ARAP1: variants seen among roughly 807,000 people sequenced by gnomAD.
ARAP1 encodes arf-GAP with Rho-GAP domain, ANK repeat and PH domain-containing protein 1.
Under a neutral mutation model 172.2 loss-of-function variants are expected in ARAP1, and 76 were observed. The observed-to-expected ratio is 0.44, with a 90% CI of 0.37 to 0.53. ARAP1 has a LOEUF of 0.53. Among genes scored for constraint, ARAP1 ranks in the 20% least tolerant of loss-of-function variants. The probability of loss-of-function intolerance (pLI) is 0.00; values close to 1 mark genes in which losing one functional copy is unlikely to be tolerated. For synonymous variants in ARAP1, 804 were observed against 803.3 expected (o/e 1.00, Z -0.01); for missense variants, 1,686 against 1,977.5 (o/e 0.85, Z 2.80).
chr11:72,721,490 G>A (rs1449217880), intron 3 of ARAP1, among the ~76,000 whole-genome samples: 1 of 152,152 alleles, frequency 6.6e-6, no homozygotes, highest in East Asian at 1.9e-4. Context: ...ATCAGCACCA[G>A]GCCCCCAAGG....
chr11:72,710,066 T>A lies in ARAP1; in HGVS notation c.1417-90A>T. The stretch of plus-strand genomic sequence containing the variant: ...GGAGAGGAAGGGAAGGTGGTGCAAC[T>A]CAGGGACTGGGGGGGGTGCCCAGGA... On this transcript the variant is annotated intron_variant, in intron 10 of 34. Transcript: ENST00000393609. The surrounding 1 kb of genome is among the most constrained non-coding windows in gnomAD (Gnocchi z 4.3). The A allele has an allele frequency of 8.3e-7, 1 of 1,201,450 alleles. No individual in the cohort carries two copies. The highest frequency in any genetic ancestry group is 1.2e-6 in the Non-Finnish European group (1 of 812,422). The allele number at this position is 1,201,450 out of a possible 1,614,324, so 74.4% of individuals were successfully genotyped here.
At chr11:72,733,747 ATTTATCTTAAGC>A (rs1857933423) in intron 1 of ARAP1, among the ~76,000 whole-genome samples, 1 of 152,230 alleles carries the variant, frequency 6.6e-6, no homozygotes, top group South Asian at 2.1e-4. Flanking sequence ...ATAAACAGGT[ATTTATCTTAAGC>A]AAACTCCATG....
rs1425464459 is a variant in ARAP1 at position 72,702,862 on chromosome 11, G to T, written c.2167+43C>A. On this transcript the variant is annotated intron_variant, in intron 15 of 34. Transcript: ENST00000393609. Reference sequence around the variant, plus strand: ...CAGCAGGTAAATCAAACCCCACCAGGCACTGCACAGCCTGGTGGACCCCCA... The same window carrying T: ...CAGCAGGTAAATCAAACCCCACCAGTCACTGCACAGCCTGGTGGACCCCCA... 3.2e-6 allele frequency: 5 copies of T among 1,546,764 alleles called. No individual in the cohort carries two copies. In the Admixed American group the frequency reaches 6.0e-5, roughly 18 times the overall value.
rs1393782759 is a variant in ARAP1, at chr11:72,752,358, C to G, written c.-158G>C. ...TTGAGTAAAGACTCCACGCGGGGAC[C>G]AGGCGTACCGGCGCCGCCACCGACT... On this transcript the variant is annotated 5_prime_UTR_variant, in exon 1 of 35. Transcript: ENST00000393609. 2.0e-5 allele frequency: 3 copies of G among 152,294 alleles called. No individual in the cohort carries two copies. Among genetic ancestry groups the G allele is most frequent in the Non-Finnish European group, 4.4e-5 (3 of 68,130 alleles). The allele number at this position is 152,294 out of a possible 1,614,324, so 9.4% of individuals were successfully genotyped here. A position where few individuals can be genotyped will look rare whatever the true frequency, so the allele number is the denominator to read the frequency against.
intron 1 of ARAP1, among the ~76,000 whole-genome samples, chr11:72,750,142 AC>A (rs1014240987): frequency 5.9e-5 from 9 of 152,094 alleles, no homozygotes; most frequent in Non-Finnish European, 1.2e-4. Context: ...ATGTGACAGA[AC>A]CCTTGGGAGC....
At chr11:72,702,298 C>T (rs959232598) in intron 15 of ARAP1, among the ~76,000 whole-genome samples, 1 of 152,164 alleles carries the variant, frequency 6.6e-6, no homozygotes, top group Admixed American at 6.5e-5. Context: ...CAGTGTGCCC[C>T]GCCCACCCAT....
intron 1 of ARAP1, among the ~76,000 whole-genome samples, chr11:72,738,081 C>G (rs1452974448): frequency 6.6e-6 from 1 of 152,162 alleles, no homozygotes; most frequent in Admixed American, 6.5e-5. Flanking sequence ...AGGGAGGCTT[C>G]TAGAAGGAAC....
At chr11:72,691,888 TGTTCAGACATC>T (rs1855947785) in intron 30 of ARAP1, among the ~76,000 whole-genome samples, 1 of 152,184 alleles carries the variant, frequency 6.6e-6, no homozygotes, top group Non-Finnish European at 1.5e-5. Flanking sequence ...AAACCTCAGA[TGTTCAGACATC>T]AGATTCTCAT....
intron 3 of ARAP1, among the ~76,000 whole-genome samples, chr11:72,719,957 A>G (rs908974063): frequency 1.3e-5 from 2 of 152,122 alleles, no homozygotes; most frequent in African/African-American, 4.8e-5. Flanking sequence ...GCCTCCCCTC[A>G]CATCTCAGGC....
chr11:72,692,510 T>C (rs1159338843), intron 30 of ARAP1, among the ~76,000 whole-genome samples: 2 of 152,184 alleles, frequency 1.3e-5, no homozygotes, highest in East Asian at 3.9e-4. Flanking sequence ...CTAAGTCCTT[T>C]GGAAAATTCT....
At chr11:72,707,078 T>C (rs1856801837) in intron 12 of ARAP1, 97 bp downstream of exon 12, 1 of 1,295,464 alleles carries the variant, frequency 7.7e-7, no homozygotes, top group Non-Finnish European at 1.0e-6. Flanking sequence ...CTGAGTGCTG[T>C]CTCCGCTCCA....
chr11:72,725,391 G>A lies in ARAP1; in HGVS notation c.509+1229C>T, dbSNP rs72964172. Among the ~76,000 whole-genome samples, 13,316 of 151,842 alleles carry A rather than the reference G, an allele frequency of 0.088. 686 individuals carry two copies. Among genetic ancestry groups the A allele is most frequent in the South Asian group, 0.16 (755 of 4,804 alleles). ...AAAACGCTCCTGCATGCAGAAGAAT[G>A]GTCACTAGAGGGCGCAAGGGCACCA... On this transcript the variant is annotated intron_variant, in intron 3 of 34. Transcript: ENST00000393609. The surrounding 1 kb of genome is among the most constrained non-coding windows in gnomAD (Gnocchi z 4.3).
In ARAP1 at chr11:72,697,654, G is replaced by T; in HGVS notation, c.2738-5C>A. 1 of 1,614,056 alleles carries T rather than the reference G, an allele frequency of 6.2e-7. No individual in the cohort carries two copies. The highest frequency in any genetic ancestry group is 8.5e-7 in the Non-Finnish European group (1 of 1,179,938). On this transcript the variant is annotated splice_polypyrimidine_tract_variant and splice_region_variant and intron_variant, in intron 19 of 34. Coordinates refer to ENST00000393609, the MANE Select transcript of ARAP1 (RefSeq NM_001040118.3). The stretch of plus-strand genomic sequence containing the variant: ...TCTCACTGTCCCCCTGGATGGCTGT[G>T]GAGGGGTTAGTCAAGGTGAGGCCCA...
In ARAP1 at chr11:72,686,906, G is replaced by A. The variant is rs1019765398; in HGVS notation, c.4185+533C>T. On this transcript the variant is annotated intron_variant, in intron 33 of 34. Transcript: ENST00000393609. ...CTGTGTCGAGGTCAGTTTCCCTGGC[G>A]TGACCTACAAGCCTCTTCTGAGATT... 3.3e-5 allele frequency among the ~76,000 whole-genome samples: 5 copies of A among 152,258 alleles called. No homozygotes were observed. In the South Asian group the frequency reaches 8.3e-4, roughly 25 times the overall value.
chr11:72,714,287 A>G lies in ARAP1; in HGVS notation c.544T>C (p.Ser182Pro), dbSNP rs1215571471. The change falls in exon 4 of 35, where the codon TCA becomes CCA. Residue 182 changes from serine to proline, a missense_variant. Coordinates refer to ENST00000393609, the MANE Select transcript of ARAP1 (RefSeq NM_001040118.3). ...PTKEEESLLP[S>P]LSSPPQPQSE... ...TGTGGCTGGGGAGGGGATGATAATG[A>G]TGGCAGCAATGACTCCTCCTCCTTA... The G allele has an allele frequency of 3.9e-6, 6 of 1,545,292 alleles. No individual in the cohort carries two copies. The highest frequency in any genetic ancestry group is 5.2e-6 in the Non-Finnish European group (6 of 1,145,094).
chr11:72,701,858 C>T (rs1856498320), intron 15 of ARAP1, 75 bp from the exon 16 acceptor site: 2 of 1,555,970 alleles, frequency 1.3e-6, no homozygotes, highest in Middle Eastern at 3.5e-4. Context: ...CCCACCTGGC[C>T]TGGGCATTCA....
Position 72,686,094 on chromosome 11 carries a change from C to A in ARAP1, c.4283G>T (p.Ser1428Ile), listed in dbSNP as rs1408410047. The stretch of plus-strand genomic sequence containing the variant: ...CACACTCCGGCGCATTTCATTTTCA[C>A]TACCTCGAAGGGGGATCAGTGACAC... ...GSVSLIPLRG[S>I]ENEMRRSVAA... is the part of the protein sequence containing the mutation. Residue 1428 changes from serine (S) to isoleucine (I), a missense_variant, in exon 34 of 35, where the codon AGT becomes ATT. Transcript: ENST00000393609. The A allele has an allele frequency of 2.5e-6, 4 of 1,614,114 alleles. No homozygotes were observed. Among genetic ancestry groups the A allele is most frequent in the Non-Finnish European group, 3.4e-6 (4 of 1,180,038 alleles).
At chr11:72,718,294 G>A (rs1401743102) in intron 3 of ARAP1, among the ~76,000 whole-genome samples, 1 of 151,926 alleles carries the variant, frequency 6.6e-6, no homozygotes, top group Non-Finnish European at 1.5e-5. Flanking sequence ...AGGGCCCACA[G>A]AATGCCCCCG....
chr11:72,688,398 C>T (rs1855782809), intron 31 of ARAP1, 57 bp downstream of exon 31: 1 of 1,503,114 alleles, frequency 6.7e-7, no homozygotes, highest in East Asian at 2.3e-5. Context: ...CCTCCCCCAT[C>T]AGTTCTGAGC....
Sources: allele counts gnomAD v4.1 joint callset (sites outside exome capture counted in the v4.1 genomes callset), GRCh38; gene constraint gnomAD v4.1.1; non-coding constraint Gnocchi (gnomAD v3.1); transcripts MANE v1.5; gene names NCBI Gene and HGNC (gene_info 2026-07-23, HGNC 2026-07-21).